IFT43: variants seen among roughly 807,000 people sequenced by gnomAD.
IFT43 encodes intraflagellar transport 43.
Under a neutral mutation model 32.3 loss-of-function variants are expected in IFT43, and 33 were observed. That is an observed-to-expected ratio of 1.02 (90% confidence interval 0.77 to 1.37). IFT43 has a LOEUF of 1.37. IFT43 is among the 40% of genes most tolerant of loss of function. The pLI is 0.00. For missense variants in IFT43, 274 were observed against 265.9 expected (o/e 1.03, Z -0.21); for synonymous variants, 93 against 98.2 (o/e 0.95, Z 0.31).
chr14:76,008,396 T>G (rs2036017647), intron 2 of IFT43, among the ~76,000 whole-genome samples: 1 of 152,230 alleles, frequency 6.6e-6, no homozygotes, highest in African/African-American at 2.4e-5. Context: ...AATAATATAA[T>G]AGCCACTGTT....
intron 1 of IFT43, among the ~76,000 whole-genome samples, chr14:75,988,132 T>C (rs2035565025): frequency 6.6e-6 from 1 of 152,266 alleles, no homozygotes. Context: ...GGGTAGAAAA[T>C]AGAATTTTCT....
In IFT43 at chr14:76,083,688, A is replaced by G. The variant is rs778135255; in HGVS notation, c.*111A>G. 9.7e-7 allele frequency: 1 copy of G among 1,028,022 alleles called. No homozygotes were observed. The highest frequency in any genetic ancestry group is 1.6e-5 in the African/African-American group (1 of 63,012). The allele number at this position is 1,028,022 out of a possible 1,614,324, so 63.7% of individuals were successfully genotyped here. A position where few individuals can be genotyped will look rare whatever the true frequency, so the allele number is the denominator to read the frequency against. On this transcript the variant is annotated 3_prime_UTR_variant, in exon 9 of 9. Transcript: ENST00000314067. ...AATATTTTGTAATAAAAATATTTAT[A>G]TTCAGTCAACCACATTGGATAATTC... is the stretch of plus-strand genomic sequence containing the variant.
chr14:76,061,298 A>G (rs566371349), intron 5 of IFT43, among the ~76,000 whole-genome samples: 2 of 152,264 alleles, frequency 1.3e-5, no homozygotes, highest in South Asian at 2.1e-4. Flanking sequence ...ATTTTCAGCA[A>G]TTTGTTCCTA....
intron 2 of IFT43, among the ~76,000 whole-genome samples, chr14:75,999,277 A>ATTTTT (rs2035835306): frequency 5.3e-5 from 1 of 18,702 alleles, no homozygotes; most frequent in Non-Finnish European, 1.0e-4. Flanking sequence ...ATATATGTAT[A>ATTTTT]TATATTTTTT....
At position 75,986,419 on chromosome 14, in the gene IFT43, A is replaced by G; in HGVS notation, c.54+579A>G. 3 of 362,538 alleles carry G rather than the reference A, an allele frequency of 8.3e-6. No individual in the cohort carries two copies. The South Asian group carries it at 1.2e-4, about 14-fold the overall frequency. 22.5% of individuals were successfully genotyped at this position (362,538 alleles called of 1,614,324 possible). ...TTAGGTGCTCAGGCACTGAGGCCAG[A>G]TGGAGCATAGAGCTGTTGCCTGGGT... On this transcript the variant is annotated intron_variant, in intron 1 of 8. Coordinates refer to ENST00000314067, the MANE Select transcript of IFT43 (RefSeq NM_001102564.3).
At chr14:76,069,072 G>A (rs117251345) in intron 5 of IFT43, among the ~76,000 whole-genome samples, 3 of 152,324 alleles carry the variant, frequency 2.0e-5, no homozygotes, top group East Asian at 3.9e-4. Flanking sequence ...ATGCTCAACT[G>A]GCTCATGGTT....
chr14:76,013,779 G>A, intron 2 of IFT43: 1 of 311,326 alleles, frequency 3.2e-6, no homozygotes, highest in Non-Finnish European at 6.5e-6. Flanking sequence ...TTCTTGACTT[G>A]GCAAGGGCTA....
chr14:75,994,649 T>C (rs2035708845), intron 2 of IFT43, among the ~76,000 whole-genome samples: 1 of 152,190 alleles, frequency 6.6e-6, no homozygotes, highest in African/African-American at 2.4e-5. Context: ...AAATCAGGCT[T>C]GGATCACTAG....
chr14:76,020,386 C>T (rs185268170), intron 2 of IFT43, among the ~76,000 whole-genome samples: 1 of 152,246 alleles, frequency 6.6e-6, no homozygotes, highest in East Asian at 1.9e-4. Flanking sequence ...GGATCTGTTA[C>T]TGGAGAATTA....
chr14:75,986,551 G>C (rs141303703), intron 1 of IFT43, among the ~76,000 whole-genome samples: 95 of 152,306 alleles, frequency 6.2e-4, no homozygotes, highest in African/African-American at 2.1e-3. Context: ...AACAATACAT[G>C]GGAAGCGTGT....
chr14:76,059,064 C>A, intron 4 of IFT43: 2 of 1,426,664 alleles, frequency 1.4e-6, no homozygotes, highest in Non-Finnish European at 1.8e-6. Flanking sequence ...TAGGGCCACC[C>A]AGTTTCCTAC....
intron 5 of IFT43, among the ~76,000 whole-genome samples, chr14:76,071,817 C>T (rs1268076229): frequency 2.0e-5 from 3 of 152,100 alleles, no homozygotes; most frequent in Non-Finnish European, 4.4e-5. Context: ...AAGAATTTAG[C>T]GAGTGGCTCT....
At chr14:76,021,371 G>A (rs895893947) in intron 2 of IFT43, among the ~76,000 whole-genome samples, 14 of 151,900 alleles carry the variant, frequency 9.2e-5, no homozygotes, top group African/African-American at 2.2e-4. Context: ...ATTACTTTTC[G>A]GTTTATAAAA....
intron 3 of IFT43, among the ~76,000 whole-genome samples, chr14:76,023,247 C>T (rs1251289180): frequency 1.3e-5 from 2 of 152,222 alleles, no homozygotes; most frequent in African/African-American, 4.8e-5. Flanking sequence ...AAGGAAATTA[C>T]ATATGTAACA....
intron 5 of IFT43, among the ~76,000 whole-genome samples, chr14:76,070,237 C>T (rs917024571): frequency 6.6e-6 from 1 of 152,240 alleles, no homozygotes; most frequent in South Asian, 2.1e-4. Flanking sequence ...CCCCCTGTCT[C>T]TCCCTCTTCC....
chr14:76,037,576 A>C (rs539006293), intron 3 of IFT43, among the ~76,000 whole-genome samples: 1 of 152,308 alleles, frequency 6.6e-6, no homozygotes, highest in South Asian at 2.1e-4. Context: ...TATTTTAAAA[A>C]ATTTCAAACC....
intron 3 of IFT43, among the ~76,000 whole-genome samples, chr14:76,056,212 G>A (rs1456223414): frequency 6.6e-6 from 1 of 152,218 alleles, no homozygotes; most frequent in African/African-American, 2.4e-5. Context: ...CCCACTCAGT[G>A]CGCTCCCAGA....
intron 5 of IFT43, among the ~76,000 whole-genome samples, chr14:76,071,617 A>C (rs2037322135): frequency 1.3e-5 from 2 of 152,298 alleles, no homozygotes; most frequent in South Asian, 4.1e-4. Flanking sequence ...CACGGTCTTT[A>C]CTTCCTCCAT....
chr14:76,073,151 G>A (rs2037351106), intron 5 of IFT43, among the ~76,000 whole-genome samples: 1 of 152,052 alleles, frequency 6.6e-6, no homozygotes, highest in South Asian at 2.1e-4. Flanking sequence ...GAAAAAGATA[G>A]GTGGAGTTGT....
Sources: allele counts gnomAD v4.1 joint callset (sites outside exome capture counted in the v4.1 genomes callset), GRCh38; gene constraint gnomAD v4.1.1; transcripts MANE v1.5; gene names NCBI Gene and HGNC (gene_info 2026-07-23, HGNC 2026-07-21).